The following NMNAT3 variants were observed in gnomAD, a reference collection of about 807,000 sequenced individuals.
NMNAT3 encodes the protein nicotinamide/nicotinic acid mononucleotide adenylyltransferase 3.
NMNAT3 carries 21 observed loss-of-function variants against 24.8 expected under a neutral mutation model. The ratio of observed to expected loss-of-function variants is 0.85; its 90% CI spans 0.60 to 1.22. The LOEUF (loss-of-function observed/expected upper bound fraction) is 1.22. NMNAT3 is among the 50% of genes most tolerant of loss of function. NMNAT3 has a pLI of 0.00. For missense variants in NMNAT3, 387 were observed against 436.6 expected (o/e 0.89, Z 1.01); for synonymous variants, 136 against 155.2 (o/e 0.88, Z 0.92).
chr3:139,579,168 A>C, intron 4 of NMNAT3, 113 bp from the exon 5 acceptor site: 2 of 822,896 alleles, frequency 2.4e-6, no homozygotes, highest in Non-Finnish European at 3.9e-6. Context: ...GTGGTAGTAG[A>C]CTCTGGCATT....
chr3:139,606,522 C>G (rs1438899849), intron 3 of NMNAT3, among the ~76,000 whole-genome samples: 1 of 152,092 alleles, frequency 6.6e-6, no homozygotes, highest in Non-Finnish European at 1.5e-5. Context: ...TAGTATTTCC[C>G]CCTGCGTATC....
chr3:139,673,573 C>G (rs544177975), intron 1 of NMNAT3, among the ~76,000 whole-genome samples: 1 of 152,274 alleles, frequency 6.6e-6, no homozygotes, highest in Admixed American at 6.5e-5. Context: ...CTATCTTTCT[C>G]CCTTCCACAT....
At chr3:139,567,155 C>T (rs1024083855) in intron 6 of NMNAT3, 1 of 152,088 alleles carries the variant, frequency 6.6e-6, no homozygotes, top group African/African-American at 2.4e-5. Flanking sequence ...CACGATTTGG[C>T]TGTTTGTCTG....
At chr3:139,628,244 A>G (rs1057000509) in intron 2 of NMNAT3, among the ~76,000 whole-genome samples, 5 of 152,260 alleles carry the variant, frequency 3.3e-5, no homozygotes, top group African/African-American at 9.6e-5. Context: ...GACTTATTGG[A>G]AAAAAGTTAC....
chr3:139,566,666 T>C (rs1329231230), intron 6 of NMNAT3: 2 of 152,224 alleles, frequency 1.3e-5, no homozygotes, highest in Non-Finnish European at 2.9e-5. Context: ...AAAGATCAGA[T>C]AGTTGTAGAT....
chr3:139,560,840 T>C lies in NMNAT3; in HGVS notation c.*170A>G. The C allele has an allele frequency of 1.6e-6, 1 of 643,756 alleles. No homozygotes were observed. Among genetic ancestry groups the C allele is most frequent in the Admixed American group, 2.9e-5 (1 of 34,498 alleles). 39.9% of individuals were successfully genotyped at this position (643,756 alleles called of 1,614,324 possible). ...TGTGATTTAGACCTTTCCTCTCCTG[T>C]AAAGAAGGTATCTCTTCCTGGGACA... On this transcript the variant is annotated 3_prime_UTR_variant, in exon 7 of 7. Transcript: ENST00000643695.
chr3:139,565,634 T>C (rs1000964171), intron 6 of NMNAT3: 4 of 152,152 alleles, frequency 2.6e-5, no homozygotes, highest in African/African-American at 9.7e-5. Flanking sequence ...GTCCTTGTGA[T>C]AGTTTGCTGA....
chr3:139,614,872 A>G (rs986220299), intron 3 of NMNAT3, among the ~76,000 whole-genome samples: 2 of 152,250 alleles, frequency 1.3e-5, no homozygotes, highest in Non-Finnish European at 2.9e-5. Flanking sequence ...ATTAAGATTC[A>G]TTAGTGATTC....
chr3:139,561,036 G>A lies in NMNAT3; in HGVS notation c.1015C>T (p.Gln339Ter). Residue 339 changes from glutamine (Q) to a stop codon, truncating the protein, a stop_gained, in exon 7 of 7, where the codon CAG becomes TAG. Transcript: ENST00000643695. LOFTEE classifies it low-confidence loss of function (END_TRUNC). ...TAGCTTGTCTTGCCCTCAGTGCTCT[G>A]GGTGCTTTTGCCTTTCCAGGTACTG... The A allele has an allele frequency of 6.2e-7, 1 of 1,613,500 alleles. No individual in the cohort carries two copies. Among genetic ancestry groups the A allele is most frequent in the Non-Finnish European group, 8.5e-7 (1 of 1,179,906 alleles).
intron 3 of NMNAT3, chr3:139,584,551 A>G (rs1033724852): frequency 1.3e-5 from 2 of 152,196 alleles, no homozygotes; most frequent in Non-Finnish European, 2.9e-5. Context: ...AGCATTTTCT[A>G]ATTTCCATTA....
At chr3:139,654,381 G>A (rs914754383) in intron 1 of NMNAT3, among the ~76,000 whole-genome samples, 2 of 152,176 alleles carry the variant, frequency 1.3e-5, no homozygotes, top group Non-Finnish European at 2.9e-5. Context: ...AGAGCCAGAC[G>A]CTGGGTTACA....
At position 139,652,241 on chromosome 3, in the gene NMNAT3, G is replaced by A. The variant is rs565705453; in HGVS notation, c.-140-14179C>T. On this transcript the variant is annotated intron_variant, in intron 1 of 6. Transcript: ENST00000643695. Reference sequence around the variant, plus strand: ...TGTAATGTCCCCTTACATTTTGTGGGTACCCAGATGATCAACATCACTGTG... The same window carrying A: ...TGTAATGTCCCCTTACATTTTGTGGATACCCAGATGATCAACATCACTGTG... Among the ~76,000 whole-genome samples the A allele has an allele frequency of 8.3e-4, 127 of 152,282 alleles. 1 individual carries two copies. The highest frequency in any genetic ancestry group is 1.5e-3 in the Non-Finnish European group (99 of 68,012).
rs552399476 is a variant in NMNAT3 at position 139,633,801 on chromosome 3, C to T, written c.-41+4162G>A. ...GAAGCTGCAGAGAGTGGAAGGATCA[C>T]GAGGGACCCTGGGTGCCTATGGAGT... On this transcript the variant is annotated intron_variant, in intron 2 of 6. Coordinates refer to ENST00000643695, the MANE Select transcript of NMNAT3 (RefSeq NM_001320510.2). Among the ~76,000 whole-genome samples, 56 of 152,194 alleles carry T rather than the reference C, an allele frequency of 3.7e-4. 1 individual carries two copies. The highest frequency in any genetic ancestry group is 3.9e-4 in the East Asian group (2 of 5,162).
chr3:139,572,184 T>C, intron 6 of NMNAT3: 1 of 398,714 alleles, frequency 2.5e-6, no homozygotes, highest in Non-Finnish European at 4.4e-6. Context: ...GCCCAGAGTC[T>C]GTTCCAGTGA....
intron 1 of NMNAT3, among the ~76,000 whole-genome samples, chr3:139,661,641 C>A (rs1446476794): frequency 6.6e-6 from 1 of 152,100 alleles, no homozygotes; most frequent in African/African-American, 2.4e-5. Flanking sequence ...CTGCACTCAG[C>A]TGGGCAATAG....
chr3:139,597,018 G>A (rs1192007747), intron 3 of NMNAT3, among the ~76,000 whole-genome samples: 1 of 142,824 alleles, frequency 7.0e-6, no homozygotes, highest in Non-Finnish European at 1.5e-5. Context: ...ACTTTGATTG[G>A]TTTATTTTGA....
chr3:139,653,077 TG>T (rs1443479829), intron 1 of NMNAT3, among the ~76,000 whole-genome samples: 1 of 151,912 alleles, frequency 6.6e-6, no homozygotes, highest in African/African-American at 2.4e-5. Context: ...GGGGCAGGGG[TG>T]TTGGTGGTGC....
intron 1 of NMNAT3, among the ~76,000 whole-genome samples, chr3:139,671,228 T>G (rs1478131765): frequency 6.6e-6 from 1 of 152,244 alleles, no homozygotes; most frequent in Non-Finnish European, 1.5e-5. Flanking sequence ...CCTTGAAGAC[T>G]GTTTTCCTAA....
chr3:139,595,376 G>T (rs2054400323), intron 3 of NMNAT3, among the ~76,000 whole-genome samples: 1 of 152,108 alleles, frequency 6.6e-6, no homozygotes, highest in Non-Finnish European at 1.5e-5. Context: ...CGCGAAAATG[G>T]CCATACTGCC....
Sources: allele counts gnomAD v4.1 joint callset (sites outside exome capture counted in the v4.1 genomes callset), GRCh38; gene constraint gnomAD v4.1.1; transcripts MANE v1.5; gene names NCBI Gene and HGNC (gene_info 2026-07-23, HGNC 2026-07-21).